The following ZNF420 variants were observed in gnomAD, a reference collection of about 807,000 sequenced individuals.
The protein encoded by ZNF420 is zinc finger protein 420.
Under a neutral mutation model 44.7 loss-of-function variants are expected in ZNF420, and 31 were observed. That is an observed-to-expected ratio of 0.69 (90% CI 0.52 to 0.94). The LOEUF is 0.94. Ranked by LOEUF, ZNF420 falls within the 40% of genes least tolerant of loss-of-function variation. The pLI is 0.00. For missense variants in ZNF420, 681 were observed against 827.9 expected (o/e 0.82, Z 2.18); for synonymous variants, 245 against 267.4 (o/e 0.92, Z 0.82).
At chr19:37,068,819 G>A (rs1968011807) in intron 1 of ZNF420, among the ~76,000 whole-genome samples, 1 of 152,106 alleles carries the variant, frequency 6.6e-6, no homozygotes, top group African/African-American at 2.4e-5. Context: ...AGCTAGTGTT[G>A]TGATATTAGT....
At chr19:37,043,919 A>G (rs562138979) in intron 1 of ZNF420, among the ~76,000 whole-genome samples, 3 of 152,302 alleles carry the variant, frequency 2.0e-5, no homozygotes, top group Admixed American at 2.0e-4. Flanking sequence ...AGTGTCATCA[A>G]TTTTTACATC....
intron 1 of ZNF420, among the ~76,000 whole-genome samples, chr19:37,038,363 G>A (rs936143597): frequency 5.3e-5 from 8 of 152,122 alleles, no homozygotes; most frequent in African/African-American, 1.9e-4. Flanking sequence ...AGTGGGTGTG[G>A]CAATTCCTTA....
At chr19:37,088,838 A>G (rs1440832077) in intron 2 of ZNF420, among the ~76,000 whole-genome samples, 1 of 152,178 alleles carries the variant, frequency 6.6e-6, no homozygotes, top group African/African-American at 2.4e-5. Flanking sequence ...GAAGTAGTAG[A>G]GACATTGTTA....
chr19:37,011,198 A>G (rs2074566522), intron 1 of ZNF420, among the ~76,000 whole-genome samples: 1 of 152,122 alleles, frequency 6.6e-6, no homozygotes, highest in African/African-American at 2.4e-5. Context: ...AACAGGGAGA[A>G]AGTGGTGATC....
chr19:37,107,492 T>A (rs1970158054), intron 4 of ZNF420: 1 of 152,378 alleles, frequency 6.6e-6, no homozygotes, highest in Non-Finnish European at 1.5e-5. Flanking sequence ...GGGTTACAGA[T>A]TAACAGCATC....
intron 1 of ZNF420, among the ~76,000 whole-genome samples, chr19:37,020,028 T>C (rs2074635981): frequency 6.6e-6 from 1 of 151,840 alleles, no homozygotes; most frequent in Non-Finnish European, 1.5e-5. Flanking sequence ...ACATCCTGGC[T>C]AACCCGGTGA....
chr19:37,127,066 ATTAT>A (rs1193354854), intron 4 of ZNF420, 58 bp from the exon 5 acceptor site: 1 of 1,340,750 alleles, frequency 7.5e-7, no homozygotes, highest in African/African-American at 1.5e-5. Flanking sequence ...TTATTTTCCT[ATTAT>A]TTGTCTTTTC....
At chr19:37,122,157 T>C (rs1971081925) in intron 4 of ZNF420, among the ~76,000 whole-genome samples, 1 of 152,148 alleles carries the variant, frequency 6.6e-6, no homozygotes, top group African/African-American at 2.4e-5. Flanking sequence ...TAAAGACACA[T>C]GCACACGTAT....
chr19:37,100,212 C>G (rs1439183179), intron 4 of ZNF420, among the ~76,000 whole-genome samples: 5 of 152,060 alleles, frequency 3.3e-5, no homozygotes, highest in African/African-American at 9.7e-5. Flanking sequence ...AGAAAGTATC[C>G]TTTTCCCAAT....
chr19:37,126,234 C>T (rs1472946458), intron 4 of ZNF420, among the ~76,000 whole-genome samples: 1 of 152,044 alleles, frequency 6.6e-6, no homozygotes, highest in East Asian at 1.9e-4. Flanking sequence ...GATTTAGGGG[C>T]TGATAATTAA....
intron 4 of ZNF420, chr19:37,107,224 C>T (rs1051143027): frequency 6.6e-6 from 1 of 152,156 alleles, no homozygotes; most frequent in Non-Finnish European, 1.5e-5. Flanking sequence ...TTACCCTTCC[C>T]ATGAGGCCAT....
rs541560431 is a variant in ZNF420 at position 37,117,526 on chromosome 19, CAG to C, written c.137-9599_137-9598del. On this transcript the variant is annotated intron_variant, in intron 4 of 4. Coordinates refer to ENST00000337995, the MANE Select transcript of ZNF420 (RefSeq NM_144689.5). ...TAAAACCACAAAGATGGGGAAAAAA[CAG>C]AGCAGAAAAACTGGAAACTCTAAAA... is the stretch of plus-strand genomic sequence containing the variant. Among the ~76,000 whole-genome samples the C allele has an allele frequency of 1.6e-3, 247 of 152,276 alleles. 2 individuals are homozygous for C. The highest frequency in any genetic ancestry group is 4.4e-3 in the Admixed American group (67 of 15,300).
At chr19:37,079,618 GA>G (rs1334710903) in intron 1 of ZNF420, among the ~76,000 whole-genome samples, 1 of 152,172 alleles carries the variant, frequency 6.6e-6, no homozygotes, top group Non-Finnish European at 1.5e-5. Context: ...GAAGTGGCAA[GA>G]AGTAAGGAAG....
chr19:37,012,066 G>T (rs1023722595), intron 1 of ZNF420, among the ~76,000 whole-genome samples: 1 of 152,180 alleles, frequency 6.6e-6, no homozygotes, highest in African/African-American at 2.4e-5. Flanking sequence ...TGCTTACTTG[G>T]TGAGATCCAA....
chr19:37,041,950 A>G (rs187424469), intron 1 of ZNF420, among the ~76,000 whole-genome samples: 162 of 152,208 alleles, frequency 1.1e-3, no homozygotes, highest in African/African-American at 3.7e-3. Context: ...AGGTAACTCA[A>G]GACTTTGTAG....
chr19:37,104,920 T>C (rs1675174639), intron 4 of ZNF420, among the ~76,000 whole-genome samples: 1 of 152,242 alleles, frequency 6.6e-6, no homozygotes, highest in Non-Finnish European at 1.5e-5. Flanking sequence ...ATGGGTAGAT[T>C]GCAAACATTT....
At chr19:37,042,506 G>A (rs1486982927) in intron 1 of ZNF420, among the ~76,000 whole-genome samples, 1 of 152,158 alleles carries the variant, frequency 6.6e-6, no homozygotes, top group African/African-American at 2.4e-5. Flanking sequence ...TTTCTGTCAT[G>A]CACCTTATGA....
At chr19:37,099,434 T>C (rs73626561) in intron 4 of ZNF420, among the ~76,000 whole-genome samples, 2,000 of 152,332 alleles carry the variant, frequency 0.013, 47 homozygotes, top group African/African-American at 0.045. Flanking sequence ...TAATTAGTGA[T>C]ATTGAGCATT....
At chr19:37,018,986 A>C (rs2074627344) in intron 1 of ZNF420, among the ~76,000 whole-genome samples, 1 of 152,238 alleles carries the variant, frequency 6.6e-6, no homozygotes, top group African/African-American at 2.4e-5. Flanking sequence ...AGGATACCAA[A>C]TGTACAGGCA....
Sources: allele counts gnomAD v4.1 joint callset (sites outside exome capture counted in the v4.1 genomes callset), GRCh38; gene constraint gnomAD v4.1.1; transcripts MANE v1.5; gene names NCBI Gene and HGNC (gene_info 2026-07-23, HGNC 2026-07-21).